Variants in PTCD3 observed in about 807,000 individuals in gnomAD.
PTCD3 encodes pentatricopeptide repeat domain 3.
A neutral mutation model predicts 101.9 loss-of-function variants in PTCD3; 89 were observed. The ratio of observed to expected loss-of-function variants is 0.87; its 90% confidence interval spans 0.74 to 1.04. The LOEUF is 1.04. PTCD3 is among the 50% of genes least tolerant of loss of function. PTCD3 has a pLI of 0.00. For synonymous variants in PTCD3, 296 were observed against 278.5 expected (o/e 1.06, Z -0.63); for missense variants, 870 against 828.2 (o/e 1.05, Z -0.62).
intron 7 of PTCD3, among the ~76,000 whole-genome samples, chr2:86,120,666 AG>A (rs1196224023): frequency 6.7e-6 from 1 of 150,194 alleles, no homozygotes; most frequent in Non-Finnish European, 1.5e-5. Flanking sequence ...AGGCCAAAAC[AG>A]GAGGATTGCT....
chr2:86,125,580 C>T, intron 11 of PTCD3, 65 bp downstream of exon 11: 1 of 1,485,184 alleles, frequency 6.7e-7, no homozygotes, highest in Non-Finnish European at 9.4e-7. Flanking sequence ...TGTGTGAAGG[C>T]TTTGGATCGT....
At chr2:86,109,295 T>C (rs1429088803) in intron 3 of PTCD3, among the ~76,000 whole-genome samples, 1 of 151,716 alleles carries the variant, frequency 6.6e-6, no homozygotes, top group Non-Finnish European at 1.5e-5. Flanking sequence ...TAGTCCCAGC[T>C]ACTCGGGAGG....
chr2:86,134,951 T>C lies in PTCD3; in HGVS notation c.1742T>C (p.Ile581Thr). ...WPATSLNCIA[I>T]LFLRAGRTQE... Reference sequence around the variant, plus strand: ...GCCACCTCTCTCAACTGTATAGCTATCCTCTTTTTAAGGGCTGGGAGAACT... The same window carrying C: ...GCCACCTCTCTCAACTGTATAGCTACCCTCTTTTTAAGGGCTGGGAGAACT... Residue 581 changes from isoleucine (I) to threonine (T), a missense_variant, in exon 21 of 24, where the codon ATC (isoleucine) becomes ACC (threonine). Transcript: ENST00000254630. The C allele has an allele frequency of 6.2e-7, 1 of 1,614,150 alleles. No homozygotes were observed. The highest frequency in any genetic ancestry group is 8.5e-7 in the Non-Finnish European group (1 of 1,179,994).
At chr2:86,106,491 T>C (rs992360502) in intron 1 of PTCD3, 140 bp downstream of exon 1, 3 of 733,446 alleles carry the variant, frequency 4.1e-6, no homozygotes, top group East Asian at 5.3e-5. Flanking sequence ...TAAGACCAGG[T>C]ACGCGGAGGT....
rs781366646 is a variant in PTCD3, at chr2:86,117,071, CAAAG to C, written c.330_333del (p.Lys110AsnfsTer22). 6.6e-6 allele frequency: 9 copies of C among 1,366,554 alleles called. No individual in the cohort carries two copies. The Admixed American group carries it at 1.3e-4, about 20-fold the overall frequency. 84.7% of individuals were successfully genotyped at this position (1,366,554 alleles called of 1,614,324 possible). ...TTTATATAGCGTTCATTTTTACTGGCAAAGAAATCCGGGGAGAATGTGGCCAAGT... is the reference window on the plus strand; with the variant it reads ...TTTATATAGCGTTCATTTTTACTGGCAAATCCGGGGAGAATGTGGCCAAGT... On this transcript the variant is annotated frameshift_variant, in exon 6 of 24. Coordinates refer to ENST00000254630, the MANE Select transcript of PTCD3 (RefSeq NM_017952.6). LOFTEE classifies it high-confidence loss of function.
Position 86,132,300 on chromosome 2 carries a change from C to A in PTCD3, c.1267-18C>A, listed in dbSNP as rs371606925. On this transcript the variant is annotated intron_variant, in intron 16 of 23. Coordinates refer to ENST00000254630, the MANE Select transcript of PTCD3 (RefSeq NM_017952.6). ...TGACAGGGTATCAGAGTGATACTTACTACTTGCATATTTTCAGTGCTCATC... is the reference window on the plus strand; with the variant it reads ...TGACAGGGTATCAGAGTGATACTTAATACTTGCATATTTTCAGTGCTCATC... 1 of 1,461,318 alleles carries A rather than the reference C, an allele frequency of 6.8e-7. No homozygotes were observed. Among genetic ancestry groups the A allele is most frequent in the African/African-American group, 1.4e-5 (1 of 71,734 alleles). 90.5% of individuals were successfully genotyped at this position (1,461,318 alleles called of 1,614,324 possible).
chr2:86,131,305 C>T (rs182844479), intron 16 of PTCD3, among the ~76,000 whole-genome samples, 199 bp downstream of exon 16: 1 of 152,078 alleles, frequency 6.6e-6, no homozygotes, highest in East Asian at 1.9e-4. Flanking sequence ...AGTGCAGTGG[C>T]TCACCGCAAC....
intron 14 of PTCD3, among the ~76,000 whole-genome samples, chr2:86,130,182 C>T (rs577488767): frequency 5.3e-5 from 8 of 152,226 alleles, no homozygotes; most frequent in South Asian, 2.1e-4. Flanking sequence ...GGGCGTTAGT[C>T]CCAGCTGCTC....
At chr2:86,106,953 T>TA (rs761318292) in intron 1 of PTCD3, among the ~76,000 whole-genome samples, 4 of 152,238 alleles carry the variant, frequency 2.6e-5, no homozygotes, top group Admixed American at 6.5e-5. Context: ...GAAAACTTGC[T>TA]AAAAGCCTAA....
At chr2:86,125,221 T>G (rs1001563681) in intron 10 of PTCD3, 139 bp downstream of exon 10, 4 of 1,379,916 alleles carry the variant, frequency 2.9e-6, no homozygotes, top group East Asian at 2.5e-5. Context: ...GCTCCCTGGC[T>G]TCTACCCACT....
rs1280845243 is a variant in PTCD3, at chr2:86,117,117, C to G, written c.372C>G (p.Tyr124Ter). ...TGGCCAAGTTTATTATTAATTCATACCCCAAATATTTTCAGAAGGACATAG... is the reference window on the plus strand; with the variant it reads ...TGGCCAAGTTTATTATTAATTCATAGCCCAAATATTTTCAGAAGGACATAG... The part of the protein sequence containing the change: ...ENVAKFIINS[Y>*]PKYFQKDIAE... Residue 124 changes from tyrosine (Y) to a stop codon, truncating the protein, a stop_gained, in exon 6 of 24, where the codon TAC becomes TAG. Transcript: ENST00000254630. LOFTEE classifies it high-confidence loss of function. 6.8e-7 allele frequency: 1 copy of G among 1,475,626 alleles called. No individual in the cohort carries two copies. The highest frequency in any genetic ancestry group is 9.5e-7 in the Non-Finnish European group (1 of 1,054,468). 91.4% of individuals were successfully genotyped at this position (1,475,626 alleles called of 1,614,324 possible). A position where few individuals can be genotyped will look rare whatever the true frequency, so the allele number is the denominator to read the frequency against.
chr2:86,131,163 G>C, intron 16 of PTCD3, 57 bp downstream of exon 16: 1 of 1,349,586 alleles, frequency 7.4e-7, no homozygotes, highest in South Asian at 1.3e-5. Context: ...TCTGTAACTG[G>C]AGGGTTCTCC....
At chr2:86,129,257 C>G (rs117583068) in intron 14 of PTCD3, among the ~76,000 whole-genome samples, 2 of 152,266 alleles carry the variant, frequency 1.3e-5, no homozygotes, top group East Asian at 3.9e-4. Flanking sequence ...GGTTCAATTG[C>G]TAATCAAAGT....
chr2:86,136,714 C>G, intron 22 of PTCD3, 152 bp downstream of exon 22: 1 of 946,464 alleles, frequency 1.1e-6, no homozygotes, highest in African/African-American at 1.6e-5. Context: ...CTGAGGCAAG[C>G]AGTTTTTTAT....
At chr2:86,115,994 T>C (rs1674169932) in intron 4 of PTCD3, among the ~76,000 whole-genome samples, 1 of 152,116 alleles carries the variant, frequency 6.6e-6, no homozygotes, top group South Asian at 2.1e-4. Flanking sequence ...CAGTCCCCAG[T>C]GGTAGCAAAC....
chr2:86,132,281 G>A (rs757932192), intron 16 of PTCD3, 37 bp from the exon 17 acceptor site: 4 of 1,268,478 alleles, frequency 3.2e-6, no homozygotes, highest in Non-Finnish European at 4.5e-6. Context: ...TGGCTGACAG[G>A]GTATCAGAGT....
intron 1 of PTCD3, among the ~76,000 whole-genome samples, chr2:86,107,379 A>T (rs996938571): frequency 1.3e-5 from 2 of 152,206 alleles, no homozygotes; most frequent in Non-Finnish European, 2.9e-5. Flanking sequence ...AAATGTCCTT[A>T]ACGTAGAGGG....
intron 23 of PTCD3, 61 bp downstream of exon 23, chr2:86,137,201 C>G: frequency 6.8e-7 from 1 of 1,481,422 alleles, no homozygotes; most frequent in South Asian, 1.3e-5. Context: ...TCTGCCCATT[C>G]AAAATGTTCA....
chr2:86,121,370 G>A, intron 7 of PTCD3, 109 bp from the exon 8 acceptor site: 2 of 634,856 alleles, frequency 3.2e-6, no homozygotes, highest in Non-Finnish European at 2.7e-6. Context: ...CATTAAGTGT[G>A]TAGCCCTGAA....
Sources: gnomAD v4.1 joint callset for allele counts (sites outside exome capture counted in the v4.1 genomes callset) on GRCh38, gnomAD v4.1.1 for gene constraint, MANE v1.5 for transcripts, NCBI Gene and HGNC (gene_info 2026-07-23, HGNC 2026-07-21) for gene names.